APBB1IP: variants seen among roughly 807,000 people sequenced by gnomAD.
The protein encoded by APBB1IP is amyloid beta precursor protein binding family B member 1 interacting protein.
APBB1IP carries 27 observed loss-of-function variants against 64.9 expected under a neutral mutation model. The ratio of observed to expected loss-of-function variants is 0.42; its 90% CI spans 0.31 to 0.57. The LOEUF (loss-of-function observed/expected upper bound fraction) is 0.57, where lower values mean the gene tolerates loss of function less well. Ranked by LOEUF, APBB1IP falls within the 20% of genes least tolerant of loss-of-function variation. The probability of loss-of-function intolerance (pLI) is 0.20; values close to 1 mark genes in which losing one functional copy is unlikely to be tolerated. For synonymous variants in APBB1IP, 392 were observed against 331.0 expected, an observed-to-expected ratio of 1.18 and a Z score of -2.00; for missense variants, 812 against 845.5, an observed-to-expected ratio of 0.96 and a Z score of 0.49.
At chr10:26,548,640 T>C (rs559953691) in intron 11 of APBB1IP, among the ~76,000 whole-genome samples, 1 of 152,170 alleles carries the variant, frequency 6.6e-6, no homozygotes, top group Non-Finnish European at 1.5e-5. Context: ...GATTTTCAGA[T>C]AGTTGGCTAC....
intron 9 of APBB1IP, among the ~76,000 whole-genome samples, chr10:26,534,652 C>G (rs1425720057): frequency 6.6e-6 from 1 of 152,140 alleles, no homozygotes; most frequent in African/African-American, 2.4e-5. Context: ...AGCCCGGTGC[C>G]AAATAAAGCA....
intron 2 of APBB1IP, among the ~76,000 whole-genome samples, chr10:26,448,314 A>T (rs1835424512): frequency 6.6e-6 from 1 of 152,172 alleles, no homozygotes; most frequent in Admixed American, 6.5e-5. Flanking sequence ...AAGCACTGGG[A>T]TTATAGGCAT....
In APBB1IP at chr10:26,567,178, A is replaced by G. The variant is rs1471771634; in HGVS notation, c.1691A>G (p.Asp564Gly). ...LPPPPPPPPLDDPELPPPPPD... is the reference protein window; with the variant it reads ...LPPPPPPPPLGDPELPPPPPD... ...CCGCCGCCACCGCCGCCGCCCCTCG[A>G]TGACCCTGAGCTCCCGCCGCCGCCC... The change falls in exon 15 of 15, where the codon GAT (aspartate) becomes GGT (glycine). Residue 564 changes from aspartate to glycine, a missense_variant. This residue lies in a region of APBB1IP where 381 missense variants were observed against 352.1 expected (regional missense o/e 1.08). Coordinates refer to ENST00000376236, the MANE Select transcript of APBB1IP (RefSeq NM_019043.4). 4.3e-6 allele frequency: 6 copies of G among 1,410,140 alleles called. No homozygotes were observed. The South Asian group carries it at 7.0e-5, about 16-fold the overall frequency. The allele number at this position is 1,410,140 out of a possible 1,614,324, so 87.4% of individuals were successfully genotyped here. A position where few individuals can be genotyped will look rare whatever the true frequency, so the allele number is the denominator to read the frequency against.
intron 4 of APBB1IP, 102 bp downstream of exon 4, chr10:26,496,493 A>C: frequency 1.1e-6 from 1 of 870,414 alleles, no homozygotes. Flanking sequence ...GAACCTAAAC[A>C]TCATGATAAA....
At position 26,495,943 on chromosome 10, in the gene APBB1IP, T is replaced by A. The variant is rs533550364; in HGVS notation, c.73-361T>A. On this transcript the variant is annotated intron_variant, in intron 3 of 14. Transcript: ENST00000376236. ...TTATATAATATATATTTAATATATA[T>A]AAAATATATTTTATATATATTTAAT... is the stretch of plus-strand genomic sequence containing the variant. Among the ~76,000 whole-genome samples the A allele has an allele frequency of 7.9e-4, 111 of 140,926 alleles. 1 individual carries two copies. In the South Asian group the frequency reaches 0.022, roughly 28 times the overall value. 92.5% of individuals were successfully genotyped at this position (140,926 alleles called of 152,430 possible).
intron 2 of APBB1IP, among the ~76,000 whole-genome samples, chr10:26,458,368 A>T (rs1835551788): frequency 6.6e-6 from 1 of 151,922 alleles, no homozygotes; most frequent in African/African-American, 2.4e-5. Flanking sequence ...AGCCTGGGTG[A>T]CCAAGCAAGA....
chr10:26,441,219 A>T (rs1450260946), intron 2 of APBB1IP, among the ~76,000 whole-genome samples: 2 of 152,220 alleles, frequency 1.3e-5, no homozygotes, highest in Non-Finnish European at 2.9e-5. Flanking sequence ...AAATTCATGT[A>T]CATAATAAAT....
In APBB1IP at chr10:26,537,503, A is replaced by G. The variant is rs11015159; in HGVS notation, c.1044+1286A>G. Among the ~76,000 whole-genome samples, 69 of 152,336 alleles carry G rather than the reference A, an allele frequency of 4.5e-4. 1 individual carries two copies. In the East Asian group the frequency reaches 0.011, roughly 24 times the overall value. ...TTTCCCATCTCTGCCATCTCATTCCAGTCCCACACTGGGCACCTCACAACT... is the reference window on the plus strand; with the variant it reads ...TTTCCCATCTCTGCCATCTCATTCCGGTCCCACACTGGGCACCTCACAACT... On this transcript the variant is annotated intron_variant, in intron 10 of 14. Coordinates refer to ENST00000376236, the MANE Select transcript of APBB1IP (RefSeq NM_019043.4).
Position 26,512,202 on chromosome 10 carries a change from AT to A in APBB1IP, c.691+299del, listed in dbSNP as rs767390101. ...TATGAGATTTAGTGCTTGACTCTTC[AT>A]TTCATTGTAGTGAAGAACTTGGATT... On this transcript the variant is annotated intron_variant, in intron 7 of 14. Transcript: ENST00000376236. Among the ~76,000 whole-genome samples the A allele has an allele frequency of 7.9e-5, 12 of 152,090 alleles. No homozygotes were observed. The East Asian group carries it at 1.2e-3, about 15-fold the overall frequency.
At chr10:26,536,357 A>C (rs1836623633) in intron 10 of APBB1IP, 140 bp downstream of exon 10, 1 of 870,072 alleles carries the variant, frequency 1.1e-6, no homozygotes, top group South Asian at 2.8e-5. Context: ...CAAATAGGAC[A>C]GTATTATTGA....
chr10:26,525,169 C>G (rs1040093700), intron 8 of APBB1IP, among the ~76,000 whole-genome samples: 2 of 151,566 alleles, frequency 1.3e-5, no homozygotes, highest in African/African-American at 4.8e-5. Flanking sequence ...GTAGTCCCAG[C>G]CACTCAAGAT....
intron 8 of APBB1IP, among the ~76,000 whole-genome samples, chr10:26,521,900 G>A (rs889460936): frequency 1.3e-5 from 2 of 152,016 alleles, no homozygotes; most frequent in African/African-American, 2.4e-5. Flanking sequence ...ACAGGCATGC[G>A]CCACCATGCC....
In APBB1IP at chr10:26,567,457, C is replaced by T; in HGVS notation, c.1970C>T (p.Ala657Val). 6.2e-7 allele frequency: 1 copy of T among 1,600,934 alleles called. No homozygotes were observed. The highest frequency in any genetic ancestry group is 8.5e-7 in the Non-Finnish European group (1 of 1,171,118). ...GATTTCATGTCAGACCTCATGAAAG[C>T]TTTGCAAAAGAAGAGAGGCAACGTG... Reference protein sequence around the residue: ...EQDFMSDLMKALQKKRGNVS With the variant: ...EQDFMSDLMKVLQKKRGNVS Residue 657 changes from alanine (A) to valine (V), a missense_variant, in exon 15 of 15, where the codon GCT becomes GTT. Ala to Val is a moderately conservative substitution (Grantham distance 64). Coordinates refer to ENST00000376236, the MANE Select transcript of APBB1IP (RefSeq NM_019043.4).
chr10:26,551,646 G>A (rs191335276), intron 11 of APBB1IP, among the ~76,000 whole-genome samples: 2 of 152,166 alleles, frequency 1.3e-5, no homozygotes, highest in African/African-American at 2.4e-5. Flanking sequence ...TGGAAGGAGC[G>A]CTGGAATTCC....
chr10:26,539,410 A>AG (rs1836669465), intron 10 of APBB1IP, among the ~76,000 whole-genome samples: 1 of 151,590 alleles, frequency 6.6e-6, no homozygotes, highest in Non-Finnish European at 1.5e-5. Context: ...AGATCCTGAA[A>AG]AAAAAAAAAA....
chr10:26,473,884 C>T (rs1835746951), intron 2 of APBB1IP, among the ~76,000 whole-genome samples: 1 of 151,854 alleles, frequency 6.6e-6, no homozygotes, highest in Admixed American at 6.6e-5. Flanking sequence ...TGCCTGTAAT[C>T]CGAGCTACTT....
At chr10:26,537,508 C>T (rs1204544216) in intron 10 of APBB1IP, among the ~76,000 whole-genome samples, 3 of 152,210 alleles carry the variant, frequency 2.0e-5, no homozygotes, top group African/African-American at 7.2e-5. Context: ...ATTCCAGTCC[C>T]ACACTGGGCA....
At chr10:26,541,496 A>T (rs1836696419) in intron 10 of APBB1IP, 86 bp from the exon 11 acceptor site, 2 of 812,776 alleles carry the variant, frequency 2.5e-6, no homozygotes. Context: ...CTAAAATATA[A>T]TCCTTAGTTG....
intron 14 of APBB1IP, among the ~76,000 whole-genome samples, chr10:26,566,275 G>T (rs1372442742): frequency 6.6e-6 from 1 of 152,166 alleles, no homozygotes; most frequent in African/African-American, 2.4e-5. Context: ...TAGAGAGAGA[G>T]ACATAGTCTC....
Sources: gnomAD v4.1 joint callset for allele counts (sites outside exome capture counted in the v4.1 genomes callset) on GRCh38, gnomAD v4.1.1 for gene constraint, gnomAD v4.1.1 regional missense constraint, MANE v1.5 for transcripts, NCBI Gene and HGNC (gene_info 2026-07-23, HGNC 2026-07-21) for gene names.